AURKA: variants seen among roughly 807,000 people sequenced by gnomAD.
AURKA encodes aurora 2.
In AURKA, 12 loss-of-function variants were observed where a neutral mutation model predicts 40.9. The observed-to-expected ratio is 0.29, with a 90% confidence interval of 0.19 to 0.48. AURKA has a LOEUF of 0.48. Among genes scored for constraint, AURKA ranks in the 20% least tolerant of loss-of-function variants. The pLI, the probability that AURKA is intolerant of heterozygous loss-of-function variation, is 0.99. For synonymous variants in AURKA, 170 were observed against 164.3 expected (o/e 1.03, Z -0.26); for missense variants, 322 against 462.1 (o/e 0.70, Z 2.78).
Position 56,384,285 on chromosome 20 carries a change from T to A in AURKA, c.359A>T (p.Asn120Ile). ...GAAAGCTTACTTTTTTGATTCTTCA[T>A]TTTTCTGTTTTGATGCCAGTTCCTC... ...PEEELASKQK[N>I]EESKKRQWAL... is the part of the protein sequence containing the mutation. Residue 120 changes from asparagine (N) to isoleucine (I), a missense_variant, in exon 4 of 9, where the codon AAT becomes ATT. Coordinates refer to ENST00000395915, the MANE Select transcript of AURKA (RefSeq NM_198437.3). The A allele has an allele frequency of 6.2e-7, 1 of 1,600,274 alleles. No homozygotes were observed. The highest frequency in any genetic ancestry group is 1.3e-5 in the African/African-American group (1 of 74,774).
intron 7 of AURKA, among the ~76,000 whole-genome samples, chr20:56,371,641 G>A (rs566829195): frequency 6.8e-6 from 1 of 147,952 alleles, no homozygotes; most frequent in Non-Finnish European, 1.5e-5. Flanking sequence ...CACAGAGACA[G>A]TCCAACCACA....
At chr20:56,384,901 C>T (rs1191629929) in intron 3 of AURKA, among the ~76,000 whole-genome samples, 1 of 152,172 alleles carries the variant, frequency 6.6e-6, no homozygotes, top group Non-Finnish European at 1.5e-5. Context: ...ACATATGAAA[C>T]ATTTCCACTG....
Position 56,379,884 on chromosome 20 carries a change from A to T in AURKA, c.705+1549T>A, listed in dbSNP as rs1055376972. Among the ~76,000 whole-genome samples, 3 of 151,190 alleles carry T rather than the reference A, an allele frequency of 2.0e-5. No homozygotes were observed. The South Asian group carries it at 6.3e-4, about 32-fold the overall frequency. On this transcript the variant is annotated intron_variant, in intron 6 of 8. Transcript: ENST00000395915. ...AGGCTGAGGCAGGAGAATCGCTTGA[A>T]CCCAGGAGGTGAAGGCTGCAGTGAG...
At position 56,381,601 on chromosome 20, in the gene AURKA, T is replaced by C. The variant is rs766777948; in HGVS notation, c.567-30A>G. 5 of 1,612,068 alleles carry C rather than the reference T, an allele frequency of 3.1e-6. No individual in the cohort carries two copies. In the East Asian group the frequency reaches 1.1e-4, roughly 36 times the overall value. On this transcript the variant is annotated intron_variant, in intron 5 of 8. Transcript: ENST00000395915. The stretch of plus-strand genomic sequence containing the variant: ...AACAAAGGATAAACATTCTAACACT[T>C]GGTTTGGAGCTCACAGAAGACTATG...
chr20:56,377,657 C>G (rs950955789), intron 6 of AURKA, among the ~76,000 whole-genome samples: 1 of 152,036 alleles, frequency 6.6e-6, no homozygotes, highest in African/African-American at 2.4e-5. Context: ...CATGGTGGCA[C>G]GTGCCTGTAG....
At chr20:56,379,128 G>A (rs1569063211) in intron 6 of AURKA, among the ~76,000 whole-genome samples, 1 of 152,198 alleles carries the variant, frequency 6.6e-6, no homozygotes, top group African/African-American at 2.4e-5. Flanking sequence ...AAGGGCATGA[G>A]GGTAAAGTGT....
rs1984004620 is a variant in AURKA, at chr20:56,370,515, T to C, written c.999A>G (p.Thr333=). The C allele has an allele frequency of 1.2e-6, 2 of 1,614,212 alleles. No homozygotes were observed. Among genetic ancestry groups the C allele is most frequent in the African/African-American group, 2.7e-5 (2 of 75,048 alleles). The change falls in exon 8 of 9, where the codon ACA becomes ACG. Residue 333 remains threonine, a synonymous_variant. Transcript: ENST00000395915. The part of the protein sequence containing the change: ...LVGKPPFEAN[T]YQETYKRISR... ...ATATTCTTTTGTAGGTCTCTTGGTA[T>C]GTGTTTGCCTCAAAAGGAGGCTTCC...
chr20:56,384,141 G>C (rs1309295295), intron 4 of AURKA, 129 bp downstream of exon 4: 1 of 631,722 alleles, frequency 1.6e-6, no homozygotes, highest in East Asian at 2.9e-5. Flanking sequence ...TGGAAATCTG[G>C]AAACATTTAT....
intron 4 of AURKA, 147 bp from the exon 5 acceptor site, chr20:56,383,323 C>A: frequency 1.2e-6 from 1 of 867,414 alleles, no homozygotes; most frequent in Non-Finnish European, 1.8e-6. Flanking sequence ...GCAATAACCA[C>A]TATCAAAGAG....
At position 56,370,274 on chromosome 20, in the gene AURKA, G is replaced by A. The variant is rs192771776; in HGVS notation, c.1096C>T (p.His366Tyr). The change falls in exon 9 of 9, where the codon CAT (histidine) becomes TAT (tyrosine). Residue 366 changes from histidine to tyrosine, a missense_variant. By Grantham distance (83) the His-to-Tyr change is moderately conservative (BLOSUM62 2). Transcript: ENST00000395915. ...AGCATTGGCCTCTGGCTGGGATTAT[G>A]CTTCAACAGTCTTGAAATGAGGTCC... ...ARDLISRLLK[H>Y]NPSQRPMLRE... is the part of the protein sequence containing the mutation. 1.1e-5 allele frequency: 17 copies of A among 1,614,196 alleles called. No homozygotes were observed. In the Admixed American group the frequency reaches 1.8e-4, roughly 17 times the overall value.
intron 1 of AURKA, chr20:56,391,812 G>C (rs989792028): frequency 6.6e-6 from 1 of 151,944 alleles, no homozygotes; most frequent in Non-Finnish European, 1.5e-5. Flanking sequence ...CCACCCACTA[G>C]AACGTGAACT....
In AURKA at chr20:56,369,893, G is replaced by C. The variant is rs765397114; in HGVS notation, c.*265C>G. 5 of 544,776 alleles carry C rather than the reference G, an allele frequency of 9.2e-6. No homozygotes were observed. Among genetic ancestry groups the C allele is most frequent in the Non-Finnish European group, 1.7e-5 (5 of 300,422 alleles). 33.7% of individuals were successfully genotyped at this position (544,776 alleles called of 1,614,324 possible). ...CATGCCTAGCACAGGCTGACGGGGCGGCTGCAGTCGAACCTTGCCTCCAGA... is the reference window on the plus strand; with the variant it reads ...CATGCCTAGCACAGGCTGACGGGGCCGCTGCAGTCGAACCTTGCCTCCAGA... On this transcript the variant is annotated 3_prime_UTR_variant, in exon 9 of 9. Coordinates refer to ENST00000395915, the MANE Select transcript of AURKA (RefSeq NM_198437.3).
intron 5 of AURKA, among the ~76,000 whole-genome samples, chr20:56,382,662 T>C (rs373131089): frequency 2.0e-5 from 3 of 151,692 alleles, no homozygotes; most frequent in Admixed American, 6.6e-5. Flanking sequence ...AGATGACAAA[T>C]TTAATCATTT....
intron 2 of AURKA, 113 bp downstream of exon 2, chr20:56,388,043 C>T (rs1286348205): frequency 2.3e-5 from 3 of 128,364 alleles, no homozygotes; most frequent in Non-Finnish European, 3.6e-5. Flanking sequence ...TATCCAGGAT[C>T]ACAGTAAGGG....
intron 2 of AURKA, among the ~76,000 whole-genome samples, chr20:56,387,570 G>T (rs1037231435): frequency 6.6e-6 from 1 of 152,220 alleles, no homozygotes; most frequent in Non-Finnish European, 1.5e-5. Context: ...ATTTCCTTCA[G>T]CTTCAACAGC....
At position 56,388,177 on chromosome 20, in the gene AURKA, G is replaced by A. The variant is rs142322743; in HGVS notation, c.21C>T (p.Asn7=). The part of the protein sequence containing the change: MDRSKE[N]CISGPVKATA... ...TTACCTTAACAGGTCCTGAAATGCA[G>A]TTTTCTTTAGATCGGTCCATGATGC... The change falls in exon 2 of 9, where the codon AAC becomes AAT. Residue 7 remains asparagine, a synonymous_variant. Coordinates refer to ENST00000395915, the MANE Select transcript of AURKA (RefSeq NM_198437.3). The A allele has an allele frequency of 3.8e-4, 620 of 1,614,142 alleles. 4 individuals are homozygous for A. The African/African-American group carries it at 6.4e-3, about 17-fold the overall frequency.
chr20:56,371,653 A>G (rs371709419), intron 7 of AURKA, among the ~76,000 whole-genome samples: 1 of 151,884 alleles, frequency 6.6e-6, no homozygotes, highest in East Asian at 1.9e-4. Context: ...CCAACCACAG[A>G]GACAGTCCAA....
Position 56,370,555 on chromosome 20 carries a change from T to C in AURKA, c.959A>G (p.Tyr320Cys), listed in dbSNP as rs978663717. Residue 320 changes from tyrosine to cysteine, a missense_variant, in exon 8 of 9, where the codon TAT becomes TGT. Physicochemically the swap from Tyr to Cys is radical, Grantham distance 194. Transcript: ENST00000395915. ...VDLWSLGVLC[Y>C]EFLVGKPPFE... is the part of the protein sequence containing the mutation. Reference sequence around the variant, plus strand: ...AGGAGGCTTCCCAACTAAAAATTCATAGCAAAGAACTCCAAGGCTCCAGAG... The same window carrying C: ...AGGAGGCTTCCCAACTAAAAATTCACAGCAAAGAACTCCAAGGCTCCAGAG... 1.2e-6 allele frequency: 2 copies of C among 1,614,208 alleles called. No individual in the cohort carries two copies. The highest frequency in any genetic ancestry group is 1.7e-6 in the Non-Finnish European group (2 of 1,180,030).
At chr20:56,371,193 T>C (rs1454211587) in intron 7 of AURKA, among the ~76,000 whole-genome samples, 1 of 152,126 alleles carries the variant, frequency 6.6e-6, no homozygotes, top group Non-Finnish European at 1.5e-5. Flanking sequence ...CTGGGTGCAG[T>C]GGCTCATGCC....
Sources: allele counts gnomAD v4.1 joint callset (sites outside exome capture counted in the v4.1 genomes callset), GRCh38; gene constraint gnomAD v4.1.1; transcripts MANE v1.5; gene names NCBI Gene and HGNC (gene_info 2026-07-23, HGNC 2026-07-21).